Variants in RCAN1 observed in about 807,000 individuals in gnomAD.
RCAN1 encodes the protein calcipressin-1.
RCAN1 carries 11 observed loss-of-function variants against 22.9 expected under a neutral mutation model. The observed-to-expected ratio is 0.48, with a 90% CI of 0.30 to 0.79. The LOEUF (loss-of-function observed/expected upper bound fraction) is 0.79. RCAN1 is among the 30% of genes least tolerant of loss of function. RCAN1 has a pLI of 0.06. For missense variants in RCAN1, 291 were observed against 337.8 expected, an observed-to-expected ratio of 0.86 and a Z score of 1.09; for synonymous variants, 136 against 142.3, an observed-to-expected ratio of 0.96 and a Z score of 0.32.
rs369866670 is a variant in RCAN1 at position 34,544,626 on chromosome 21, ACT to A, written c.253-20918_253-20917del. Among the ~76,000 whole-genome samples, 49 of 152,090 alleles carry A rather than the reference ACT, an allele frequency of 3.2e-4. No homozygotes were observed. In the East Asian group the frequency reaches 9.5e-3, roughly 29 times the overall value. Reference sequence around the variant, plus strand: ...CTAATATATATTTACTGAATCAGAAACTCTGCTGGTTTTTGTTTGTTTGTTTG... The same window carrying A: ...CTAATATATATTTACTGAATCAGAAACTGCTGGTTTTTGTTTGTTTGTTTG... On this transcript the variant is annotated intron_variant, in intron 1 of 3. Coordinates refer to ENST00000313806, the MANE Select transcript of RCAN1 (RefSeq NM_004414.7).
At chr21:34,612,860 C>T (rs2123741207) in intron 1 of RCAN1, among the ~76,000 whole-genome samples, 1 of 152,346 alleles carries the variant, frequency 6.6e-6, no homozygotes, top group South Asian at 2.1e-4. Context: ...TTCACCAGCT[C>T]TTCAACAAAA....
chr21:34,523,034 T>C (rs546705098), intron 2 of RCAN1: 1 of 152,494 alleles, frequency 6.6e-6, no homozygotes, highest in Admixed American at 6.5e-5. Context: ...CCAGTCTGGT[T>C]ATCCCCTATT....
chr21:34,532,603 G>C (rs911640166), intron 1 of RCAN1, among the ~76,000 whole-genome samples: 1 of 152,222 alleles, frequency 6.6e-6, no homozygotes, highest in Non-Finnish European at 1.5e-5. Flanking sequence ...CTTTCTTCCT[G>C]TCACTGTCAT....
intron 1 of RCAN1, among the ~76,000 whole-genome samples, chr21:34,542,514 A>G (rs2284576): frequency 0.33 from 49,092 of 150,700 alleles, 9,758 homozygotes; most frequent in East Asian, 0.52. Flanking sequence ...TGCCAGCTAT[A>G]TAAGTGTGAC....
intron 1 of RCAN1, among the ~76,000 whole-genome samples, chr21:34,596,952 T>A (rs1017272411): frequency 6.6e-6 from 1 of 151,878 alleles, no homozygotes; most frequent in Non-Finnish European, 1.5e-5. Context: ...AGAAGGGAAA[T>A]GGGAGGGGAG....
intron 1 of RCAN1, among the ~76,000 whole-genome samples, chr21:34,542,451 G>A (rs1338909975): frequency 1.3e-5 from 2 of 152,086 alleles, no homozygotes; most frequent in African/African-American, 4.8e-5. Flanking sequence ...GAGACGAACT[G>A]AGGCTGCTGG....
intron 1 of RCAN1, among the ~76,000 whole-genome samples, chr21:34,577,511 A>T (rs1052858783): frequency 2.6e-5 from 4 of 152,128 alleles, no homozygotes; most frequent in African/African-American, 9.7e-5. Context: ...AGGTGGGAGG[A>T]TCACTTGAGT....
chr21:34,552,856 A>G (rs967217527), intron 1 of RCAN1, among the ~76,000 whole-genome samples: 5 of 152,242 alleles, frequency 3.3e-5, no homozygotes, highest in East Asian at 1.9e-4. Context: ...GTGGTTGAGT[A>G]TATTTTTAGC....
rs1183261179 is a variant in RCAN1, at chr21:34,517,144, C to T, written c.*940G>A. The T allele has an allele frequency of 6.6e-6, 1 of 152,204 alleles. No homozygotes were observed. Among genetic ancestry groups the T allele is most frequent in the Non-Finnish European group, 1.5e-5 (1 of 68,040 alleles). The allele number at this position is 152,204 out of a possible 1,614,324, so 9.4% of individuals were successfully genotyped here. On this transcript the variant is annotated 3_prime_UTR_variant, in exon 4 of 4. Transcript: ENST00000313806. Reference sequence around the variant, plus strand: ...TTGATGTCTTCGTGGGGTAAAAGAACCAACTATCTCAACCAACAGTTTCCA... The same window carrying T: ...TTGATGTCTTCGTGGGGTAAAAGAATCAACTATCTCAACCAACAGTTTCCA...
At chr21:34,592,286 GCT>G (rs1352782748) in intron 1 of RCAN1, among the ~76,000 whole-genome samples, 1 of 152,166 alleles carries the variant, frequency 6.6e-6, no homozygotes, top group African/African-American at 2.4e-5. Flanking sequence ...GCCATGCTGG[GCT>G]CAGACACACT....
At chr21:34,537,650 T>C (rs563619840) in intron 1 of RCAN1, among the ~76,000 whole-genome samples, 2 of 152,364 alleles carry the variant, frequency 1.3e-5, no homozygotes, top group East Asian at 3.9e-4. Flanking sequence ...ATTTGTGGCT[T>C]AATTTGGTAA....
chr21:34,580,024 G>A (rs2284599), intron 1 of RCAN1, among the ~76,000 whole-genome samples: 41,615 of 152,112 alleles, frequency 0.27, 6,057 homozygotes, highest in South Asian at 0.46. Context: ...ACTAACACCC[G>A]GTGTCAGAGA....
intron 1 of RCAN1, among the ~76,000 whole-genome samples, chr21:34,535,064 G>A (rs932814006): frequency 7.9e-5 from 12 of 152,184 alleles, no homozygotes; most frequent in Admixed American, 2.6e-4. Flanking sequence ...CAGCATATAG[G>A]AGAATTTGTA....
At chr21:34,608,317 T>C (rs1354341896) in intron 1 of RCAN1, among the ~76,000 whole-genome samples, 1 of 152,158 alleles carries the variant, frequency 6.6e-6, no homozygotes, top group South Asian at 2.1e-4. Context: ...CACGTCCTGG[T>C]ATTTACACCC....
At chr21:34,611,908 T>G (rs1988695973) in intron 1 of RCAN1, among the ~76,000 whole-genome samples, 1 of 152,186 alleles carries the variant, frequency 6.6e-6, no homozygotes, top group Non-Finnish European at 1.5e-5. Context: ...TAGAGCTATT[T>G]GCCCTCAGAG....
chr21:34,590,193 G>T (rs1025697103), intron 1 of RCAN1, among the ~76,000 whole-genome samples: 8 of 152,116 alleles, frequency 5.3e-5, no homozygotes, highest in Admixed American at 3.9e-4. Context: ...TCCTCAGAGC[G>T]GCCCTCCAGG....
chr21:34,614,706 CG>C lies in RCAN1; in HGVS notation c.252+53del. On this transcript the variant is annotated intron_variant, in intron 1 of 3. Coordinates refer to ENST00000313806, the MANE Select transcript of RCAN1 (RefSeq NM_004414.7). The surrounding 1 kb of genome is among the most constrained non-coding windows in gnomAD (Gnocchi z 6.0). The stretch of plus-strand genomic sequence containing the variant: ...GGCGCTGCGACCCGCGCCGCCTCCT[CG>C]GGCAACAAGTGTCCGCCCTCCGCCC... 7.5e-7 allele frequency: 1 copy of C among 1,335,604 alleles called. No homozygotes were observed. The highest frequency in any genetic ancestry group is 9.6e-7 in the Non-Finnish European group (1 of 1,039,928). 82.7% of individuals were successfully genotyped at this position (1,335,604 alleles called of 1,614,324 possible).
intron 2 of RCAN1, chr21:34,522,374 C>G (rs1199789678): frequency 6.6e-6 from 1 of 152,178 alleles, no homozygotes; most frequent in Non-Finnish European, 1.5e-5. Flanking sequence ...CCCAAGTTTT[C>G]ACAATGAATA....
chr21:34,566,027 A>C (rs8130115), intron 1 of RCAN1, among the ~76,000 whole-genome samples: 65,889 of 152,040 alleles, frequency 0.43, 14,848 homozygotes, highest in South Asian at 0.48. Flanking sequence ...TCTGGAATGT[A>C]CTACACAACA....
Sources: gnomAD v4.1 joint callset for allele counts (sites outside exome capture counted in the v4.1 genomes callset) on GRCh38, gnomAD v4.1.1 for gene constraint, Gnocchi (gnomAD v3.1) non-coding constraint, MANE v1.5 for transcripts, NCBI Gene and HGNC (gene_info 2026-07-23, HGNC 2026-07-21) for gene names.